Variants in RNF24 observed in about 807,000 individuals in gnomAD.
The protein encoded by RNF24 is ring finger protein 24.
RNF24 carries 14 observed loss-of-function variants against 20.0 expected under a neutral mutation model. That is an observed-to-expected ratio of 0.70 (90% confidence interval 0.46 to 1.10). The LOEUF is 1.10. Among genes scored for constraint, RNF24 ranks in the 50% least tolerant of loss-of-function variants. RNF24 has a pLI of 0.00. For missense variants in RNF24, 124 were observed against 177.6 expected (o/e 0.70, Z 1.71); for synonymous variants, 45 against 61.1 (o/e 0.74, Z 1.23).
At chr20:3,976,025 G>C (rs1276642869) in intron 1 of RNF24, among the ~76,000 whole-genome samples, 4 of 152,150 alleles carry the variant, frequency 2.6e-5, no homozygotes, top group African/African-American at 9.7e-5. Context: ...GGACTCAAGT[G>C]ATCTGCCCAC....
intron 4 of RNF24, among the ~76,000 whole-genome samples, chr20:3,939,224 A>T (rs1402829236): frequency 6.6e-6 from 1 of 152,056 alleles, no homozygotes; most frequent in Non-Finnish European, 1.5e-5. Flanking sequence ...AAATTCCTGG[A>T]CTCAAGGGAG....
chr20:3,945,311 A>G (rs113555376), intron 3 of RNF24, 93 bp from the exon 4 acceptor site: 5 of 1,209,884 alleles, frequency 4.1e-6, no homozygotes, highest in Middle Eastern at 2.9e-4. Context: ...TTTTGTATAT[A>G]TGGCTCATTT....
chr20:3,956,195 T>C (rs933011805), intron 2 of RNF24, among the ~76,000 whole-genome samples: 5 of 152,012 alleles, frequency 3.3e-5, no homozygotes, highest in Non-Finnish European at 7.4e-5. Flanking sequence ...GGCATTCTTA[T>C]TGTGTTCTGA....
intron 1 of RNF24, among the ~76,000 whole-genome samples, chr20:3,968,583 G>A (rs1179390930): frequency 3.3e-5 from 5 of 151,922 alleles, no homozygotes; most frequent in Admixed American, 1.3e-4. Context: ...TCACTGCTAC[G>A]CTCCAGCCTG....
At chr20:3,990,201 T>C (rs999749386) in intron 1 of RNF24, among the ~76,000 whole-genome samples, 7 of 152,060 alleles carry the variant, frequency 4.6e-5, no homozygotes, top group Non-Finnish European at 8.8e-5. Context: ...ATTTTAAAAA[T>C]AATCTCAAAA....
chr20:3,996,930 TA>T (rs1042533284), intron 1 of RNF24, among the ~76,000 whole-genome samples: 1 of 151,830 alleles, frequency 6.6e-6, no homozygotes, highest in African/African-American at 2.4e-5. Context: ...GAATAAGAAA[TA>T]CATTTTAGGC....
At chr20:3,942,067 C>CT (rs2090962422) in intron 4 of RNF24, among the ~76,000 whole-genome samples, 1 of 144,606 alleles carries the variant, frequency 6.9e-6, no homozygotes, top group South Asian at 2.2e-4. Context: ...GAGCTAGACT[C>CT]TATCTCAAAA....
intron 4 of RNF24, among the ~76,000 whole-genome samples, chr20:3,939,402 T>G (rs2090929211): frequency 6.6e-6 from 1 of 152,240 alleles, no homozygotes; most frequent in Admixed American, 6.5e-5. Context: ...CTAAATTTAT[T>G]CTTTTGCATG....
In RNF24 at chr20:3,931,416, C is replaced by T. The variant is rs2090821287; in HGVS notation, c.*2647G>A. 1 of 152,130 alleles carries T rather than the reference C, an allele frequency of 6.6e-6. No individual in the cohort carries two copies. The highest frequency in any genetic ancestry group is 1.5e-5 in the Non-Finnish European group (1 of 68,038). The allele number at this position is 152,130 out of a possible 1,614,324, so 9.4% of individuals were successfully genotyped here. On this transcript the variant is annotated 3_prime_UTR_variant, in exon 6 of 6. Coordinates refer to ENST00000358395, the MANE Select transcript of RNF24 (RefSeq NM_001134337.3). ...TTTTTCAAAATAAATAAAAAAAGGA[C>T]TGTCTTTCAAACAAAAACCCTGCGA...
intron 1 of RNF24, among the ~76,000 whole-genome samples, chr20:4,000,735 G>C (rs753719050): frequency 1.3e-5 from 2 of 152,222 alleles, no homozygotes; most frequent in Non-Finnish European, 1.5e-5. Context: ...AAAATTGTTT[G>C]TTGTTATTCC....
At chr20:3,961,085 A>T (rs1352550349) in intron 2 of RNF24, among the ~76,000 whole-genome samples, 1 of 152,038 alleles carries the variant, frequency 6.6e-6, no homozygotes, top group Non-Finnish European at 1.5e-5. Context: ...GAGCCACTGC[A>T]CCCGGCCTGT....
At position 3,987,759 on chromosome 20, in the gene RNF24, T is replaced by C. The variant is rs117968034; in HGVS notation, c.-7-23735A>G. ...AATATTTAAAGAGCTCAGCCTCTTC[T>C]GTGATTGTACTGGACTCTTGGAAGG... On this transcript the variant is annotated intron_variant, in intron 1 of 5. Transcript: ENST00000358395. Among the ~76,000 whole-genome samples the C allele has an allele frequency of 7.7e-3, 1,173 of 152,354 alleles. 13 individuals are homozygous for C. The highest frequency in any genetic ancestry group is 0.01 in the Non-Finnish European group (714 of 68,024).
At chr20:3,998,665 A>C (rs1390848063) in intron 1 of RNF24, among the ~76,000 whole-genome samples, 1 of 148,990 alleles carries the variant, frequency 6.7e-6, no homozygotes, top group Non-Finnish European at 1.5e-5. Flanking sequence ...CTAAGGCAGG[A>C]GAATTGCTTG....
At chr20:4,008,452 A>ATATT (rs35909534) in intron 1 of RNF24, among the ~76,000 whole-genome samples, 3 of 45,766 alleles carry the variant, frequency 6.6e-5, no homozygotes, top group Non-Finnish European at 8.6e-5. Flanking sequence ...TAATATATAT[A>ATATT]ATATATAATA....
Position 3,928,134 on chromosome 20 carries a change from A to T in RNF24, c.*5929T>A, listed in dbSNP as rs1036938953. On this transcript the variant is annotated 3_prime_UTR_variant, in exon 6 of 6. Transcript: ENST00000358395. ...TGGATATTTAGGCATGAATCTGGAC[A>T]TGTCCATCTGCTTAAGAAATCTGCT... is the stretch of plus-strand genomic sequence containing the variant. 13 of 152,210 alleles carry T rather than the reference A, an allele frequency of 8.5e-5. No individual in the cohort carries two copies. The highest frequency in any genetic ancestry group is 3.1e-4 in the African/African-American group (13 of 41,446). 9.4% of individuals were successfully genotyped at this position (152,210 alleles called of 1,614,324 possible).
intron 1 of RNF24, among the ~76,000 whole-genome samples, chr20:3,964,981 A>C (rs750866152): frequency 6.6e-6 from 1 of 152,154 alleles, no homozygotes; most frequent in Non-Finnish European, 1.5e-5. Flanking sequence ...TTTTATAATC[A>C]GAAACAGTAA....
In RNF24 at chr20:3,934,031, G is replaced by A. The variant is rs773497632; in HGVS notation, c.*32C>T. On this transcript the variant is annotated 3_prime_UTR_variant, in exon 6 of 6. Coordinates refer to ENST00000358395, the MANE Select transcript of RNF24 (RefSeq NM_001134337.3). The surrounding 1 kb of genome is among the most constrained non-coding windows in gnomAD (Gnocchi z 4.0). ...TTCCTCCTGGCTCCACACAGACGTC[G>A]TGTCCAGCAACAGTCTGATCCTTGC... is the stretch of plus-strand genomic sequence containing the variant. 55 of 1,422,156 alleles carry A rather than the reference G, an allele frequency of 3.9e-5. No homozygotes were observed. Among genetic ancestry groups the A allele is most frequent in the South Asian group, 6.6e-5 (4 of 60,358 alleles). 88.1% of individuals were successfully genotyped at this position (1,422,156 alleles called of 1,614,324 possible).
At position 3,958,148 on chromosome 20, in the gene RNF24, C is replaced by T. The variant is rs139295193; in HGVS notation, c.143+5727G>A. ...CAATATATTTTGTTTTCTACAGCTA[C>T]CCTCATCTCTGTCTTAGGAAAAGGT... On this transcript the variant is annotated intron_variant, in intron 2 of 5. Transcript: ENST00000358395. 4.5e-3 allele frequency among the ~76,000 whole-genome samples: 692 copies of T among 152,238 alleles called. 11 individuals are homozygous for T. The highest frequency in any genetic ancestry group is 3.5e-3 in the Non-Finnish European group (239 of 68,010).
chr20:3,963,572 G>C (rs1051549063), intron 2 of RNF24, among the ~76,000 whole-genome samples: 2 of 152,222 alleles, frequency 1.3e-5, no homozygotes, highest in African/African-American at 4.8e-5. Context: ...ATCTCTGTGA[G>C]AGTAGATTAA....
Sources: gnomAD v4.1 joint callset for allele counts (sites outside exome capture counted in the v4.1 genomes callset) on GRCh38, gnomAD v4.1.1 for gene constraint, Gnocchi (gnomAD v3.1) non-coding constraint, MANE v1.5 for transcripts, NCBI Gene and HGNC (gene_info 2026-07-23, HGNC 2026-07-21) for gene names.